Variants in ULK4 observed in about 807,000 individuals in gnomAD.
ULK4 encodes the protein inactive serine/threonine-protein kinase ULK4.
Under a neutral mutation model 160.6 loss-of-function variants are expected in ULK4, and 133 were observed. That is an observed-to-expected ratio of 0.83 (90% CI 0.72 to 0.96). The LOEUF is 0.96. Ranked by LOEUF, ULK4 falls within the 40% of genes least tolerant of loss-of-function variation. The pLI, the probability that ULK4 is intolerant of heterozygous loss-of-function variation, is 0.00. For synonymous variants in ULK4, 534 were observed against 539.8 expected (o/e 0.99, Z 0.15); for missense variants, 1,580 against 1,499.5 (o/e 1.05, Z -0.89).
intron 25 of ULK4, among the ~76,000 whole-genome samples, chr3:41,711,118 C>T (rs760573980): frequency 4.6e-5 from 7 of 152,250 alleles, no homozygotes; most frequent in Middle Eastern, 6.8e-3. Context: ...TGGAAGGATC[C>T]TTCAGAGGGA....
intron 21 of ULK4, among the ~76,000 whole-genome samples, chr3:41,769,045 T>C (rs1218462883): frequency 6.6e-6 from 1 of 152,208 alleles, no homozygotes; most frequent in Non-Finnish European, 1.5e-5. Context: ...AAAATTAAAA[T>C]AGTATGCTTA....
chr3:41,714,336 A>G (rs1265269993), intron 25 of ULK4, among the ~76,000 whole-genome samples: 1 of 152,232 alleles, frequency 6.6e-6, no homozygotes, highest in African/African-American at 2.4e-5. Context: ...TGAACTTTCT[A>G]GAAAACCATA....
At chr3:41,303,912 A>T (rs1248042225) in intron 35 of ULK4, among the ~76,000 whole-genome samples, 3 of 152,088 alleles carry the variant, frequency 2.0e-5, no homozygotes, top group African/African-American at 7.2e-5. Context: ...ATTCTTAGAA[A>T]TATTTGGGAG....
At chr3:41,848,762 A>T (rs2042131135) in intron 17 of ULK4, among the ~76,000 whole-genome samples, 2 of 152,194 alleles carry the variant, frequency 1.3e-5, no homozygotes, top group African/African-American at 4.8e-5. Context: ...GGAATAGCAG[A>T]CTATTCCAAT....
chr3:41,851,635 T>C (rs865820049), intron 17 of ULK4, among the ~76,000 whole-genome samples: 6 of 152,290 alleles, frequency 3.9e-5, no homozygotes, highest in South Asian at 2.1e-4. Context: ...TTGATTGGAA[T>C]AGTTTCAGAA....
At chr3:41,922,757 T>C (rs557916009) in intron 5 of ULK4, among the ~76,000 whole-genome samples, 10 of 151,432 alleles carry the variant, frequency 6.6e-5, no homozygotes, top group African/African-American at 2.2e-4. Context: ...AATGGGAAAA[T>C]CTGGTCAGAT....
chr3:41,521,911 C>T (rs189967016), intron 32 of ULK4, among the ~76,000 whole-genome samples: 191 of 152,220 alleles, frequency 1.3e-3, no homozygotes, highest in African/African-American at 3.9e-3. Flanking sequence ...CATTCACATG[C>T]TAACTTGCCA....
intron 30 of ULK4, among the ~76,000 whole-genome samples, chr3:41,644,438 CTA>C (rs2034383017): frequency 6.6e-6 from 1 of 152,260 alleles, no homozygotes; most frequent in South Asian, 2.1e-4. Flanking sequence ...TTTTCTGCAT[CTA>C]TTGAGATAAT....
intron 30 of ULK4, among the ~76,000 whole-genome samples, chr3:41,618,122 T>C (rs1231428875): frequency 6.6e-6 from 1 of 152,130 alleles, no homozygotes; most frequent in Admixed American, 6.5e-5. Flanking sequence ...TATGGGACTA[T>C]GTGAAAAGAC....
intron 11 of ULK4, among the ~76,000 whole-genome samples, chr3:41,909,481 A>T (rs73069240): frequency 0.13 from 19,036 of 152,152 alleles, 1,369 homozygotes; most frequent in Middle Eastern, 0.27. Context: ...AGAGGCCAAG[A>T]CAGGCAGATC....
chr3:41,391,696 G>A (rs963222764), intron 35 of ULK4, among the ~76,000 whole-genome samples: 5 of 151,824 alleles, frequency 3.3e-5, no homozygotes, highest in East Asian at 1.9e-4. Context: ...AACAGAACAC[G>A]TCTGTTCTCA....
chr3:41,670,888 C>T (rs1460031054), intron 29 of ULK4, among the ~76,000 whole-genome samples: 1 of 152,064 alleles, frequency 6.6e-6, no homozygotes, highest in Non-Finnish European at 1.5e-5. Flanking sequence ...TTATGCTCTA[C>T]TACCTACTGT....
chr3:41,362,867 C>T (rs1015511412), intron 35 of ULK4, among the ~76,000 whole-genome samples: 1 of 152,254 alleles, frequency 6.6e-6, no homozygotes, highest in Non-Finnish European at 1.5e-5. Context: ...TCCAGCTTCA[C>T]GACAGCTCAG....
At chr3:41,520,159 A>G (rs1183860700) in intron 32 of ULK4, among the ~76,000 whole-genome samples, 1 of 152,212 alleles carries the variant, frequency 6.6e-6, no homozygotes, top group Non-Finnish European at 1.5e-5. Context: ...TATCTCCAGA[A>G]CATTTTCATC....
Position 41,730,549 on chromosome 3 carries a change from G to A in ULK4, c.2322-12688C>T, listed in dbSNP as rs149672151. Among the ~76,000 whole-genome samples, 13 of 152,208 alleles carry A rather than the reference G, an allele frequency of 8.5e-5. No homozygotes were observed. In the East Asian group the frequency reaches 2.5e-3, roughly 29 times the overall value. ...ATGGACAAATGCCTGGATACACGCAGTCTATCAAAATTGAATCATGAAGAA... is the reference window on the plus strand; with the variant it reads ...ATGGACAAATGCCTGGATACACGCAATCTATCAAAATTGAATCATGAAGAA... On this transcript the variant is annotated intron_variant, in intron 22 of 36. Transcript: ENST00000301831.
intron 32 of ULK4, among the ~76,000 whole-genome samples, chr3:41,542,136 T>C (rs1012781751): frequency 6.6e-6 from 1 of 152,224 alleles, no homozygotes; most frequent in Non-Finnish European, 1.5e-5. Flanking sequence ...CCATTCAGTA[T>C]GATATTGGCT....
At chr3:41,646,885 T>C (rs927812200) in intron 30 of ULK4, among the ~76,000 whole-genome samples, 4 of 152,186 alleles carry the variant, frequency 2.6e-5, no homozygotes, top group Admixed American at 6.5e-5. Flanking sequence ...GGAGGCTTTG[T>C]TCATTTCTTT....
intron 19 of ULK4, among the ~76,000 whole-genome samples, chr3:41,809,755 G>A (rs1222416815): frequency 6.6e-6 from 1 of 152,028 alleles, no homozygotes; most frequent in African/African-American, 2.4e-5. Flanking sequence ...TATATGCAGT[G>A]TTTTGCCCTA....
chr3:41,812,785 T>C (rs1575752854), intron 19 of ULK4, among the ~76,000 whole-genome samples: 1 of 152,208 alleles, frequency 6.6e-6, no homozygotes, highest in African/African-American at 2.4e-5. Flanking sequence ...AATTTTCTCC[T>C]TGGGATCACT....
Sources: gnomAD v4.1 joint callset for allele counts (sites outside exome capture counted in the v4.1 genomes callset) on GRCh38, gnomAD v4.1.1 for gene constraint, MANE v1.5 for transcripts, NCBI Gene and HGNC (gene_info 2026-07-23, HGNC 2026-07-21) for gene names.